CSGALNACT1: variants seen among roughly 807,000 people sequenced by gnomAD.
CSGALNACT1 encodes chondroitin sulfate N-acetylgalactosaminyltransferase 1.
CSGALNACT1 carries 52 observed loss-of-function variants against 51.0 expected under a neutral mutation model. The observed-to-expected ratio is 1.02, with a 90% CI of 0.82 to 1.29. The LOEUF is 1.29. Among genes scored for constraint, CSGALNACT1 ranks in the 50% most tolerant of loss-of-function variants. CSGALNACT1 has a pLI of 0.00. For missense variants in CSGALNACT1, 935 were observed against 679.2 expected, an observed-to-expected ratio of 1.38 and a Z score of -4.19; for synonymous variants, 341 against 254.4, an observed-to-expected ratio of 1.34 and a Z score of -3.24.
intron 1 of CSGALNACT1, among the ~76,000 whole-genome samples, chr8:19,711,392 T>C (rs1278486014): frequency 6.6e-6 from 1 of 152,090 alleles, no homozygotes; most frequent in Non-Finnish European, 1.5e-5. Context: ...AGTTCAACAA[T>C]AAATTTTAAG....
intron 1 of CSGALNACT1, among the ~76,000 whole-genome samples, chr8:19,617,685 C>T (rs2053222356): frequency 6.6e-6 from 1 of 152,164 alleles, no homozygotes; most frequent in Admixed American, 6.5e-5. Flanking sequence ...CGAAGGCAGA[C>T]TCATGGGAGT....
At chr8:19,728,734 G>A (rs546672181) in intron 1 of CSGALNACT1, among the ~76,000 whole-genome samples, 107 of 152,140 alleles carry the variant, frequency 7.0e-4, no homozygotes, top group African/African-American at 2.4e-3. Context: ...TTCATTTCTC[G>A]AGTTTTAATA....
chr8:19,409,504 G>C (rs7463898), intron 8 of CSGALNACT1, among the ~76,000 whole-genome samples: 4 of 144,526 alleles, frequency 2.8e-5, no homozygotes, highest in African/African-American at 1.0e-4. Flanking sequence ...TATATATAGA[G>C]AGAGAGAGAG....
intron 1 of CSGALNACT1, among the ~76,000 whole-genome samples, chr8:19,692,659 A>G (rs1346999006): frequency 6.6e-6 from 1 of 152,222 alleles, no homozygotes; most frequent in Non-Finnish European, 1.5e-5. Context: ...AGCTTTTTTA[A>G]TACAGAACTT....
At chr8:19,585,908 C>A (rs922366667) in intron 3 of CSGALNACT1, among the ~76,000 whole-genome samples, 1 of 152,200 alleles carries the variant, frequency 6.6e-6, no homozygotes, top group Non-Finnish European at 1.5e-5. Context: ...CTCAAATTAA[C>A]CTGCAAGTCC....
At chr8:19,690,483 G>C (rs1463664903) in intron 1 of CSGALNACT1, among the ~76,000 whole-genome samples, 4 of 152,082 alleles carry the variant, frequency 2.6e-5, no homozygotes, top group African/African-American at 9.7e-5. Context: ...AATAGTCAAA[G>C]AGCTCATCTT....
rs374308416 is a variant in CSGALNACT1, at chr8:19,723,625, T to C, written c.-297+34225A>G. 1.8e-4 allele frequency among the ~76,000 whole-genome samples: 28 copies of C among 152,352 alleles called. No individual in the cohort carries two copies. In the East Asian group the frequency reaches 5.2e-3, roughly 28 times the overall value. On this transcript the variant is annotated intron_variant, in intron 1 of 1. Coordinates refer to the CSGALNACT1 transcript ENST00000517494. ...GGAAGGCACAGCAACAGGTTTGCTT[T>C]CTGGTACAAGGACACAGAGGTCATG...
At chr8:19,438,790 T>C (rs1297468144) in intron 6 of CSGALNACT1, among the ~76,000 whole-genome samples, 4 of 152,232 alleles carry the variant, frequency 2.6e-5, no homozygotes, top group Non-Finnish European at 4.4e-5. Context: ...GCTGATCTCC[T>C]GCTTAAGAAT....
At chr8:19,416,060 G>A (rs1181583048) in intron 8 of CSGALNACT1, among the ~76,000 whole-genome samples, 3 of 151,756 alleles carry the variant, frequency 2.0e-5, no homozygotes, top group Admixed American at 2.0e-4. Flanking sequence ...CATATGAGAT[G>A]GTGATCACCC....
rs947856492 is a variant in CSGALNACT1 at position 19,404,577 on chromosome 8, T to C, written c.*1203A>G. 1.3e-5 allele frequency: 6 copies of C among 450,532 alleles called. No homozygotes were observed. In the Admixed American group the frequency reaches 1.4e-4, roughly 11 times the overall value. The allele number at this position is 450,532 out of a possible 1,614,324, so 27.9% of individuals were successfully genotyped here. On this transcript the variant is annotated 3_prime_UTR_variant, in exon 10 of 10. Coordinates refer to ENST00000454498, the Ensembl canonical transcript of CSGALNACT1. The stretch of plus-strand genomic sequence containing the variant: ...CATGTAGCAAAAACTTCCATCCCAC[T>C]AGATTCTGGCAGATGGATTGATCTT...
At chr8:19,528,718 G>A (rs1276193924) in intron 3 of CSGALNACT1, among the ~76,000 whole-genome samples, 3 of 152,116 alleles carry the variant, frequency 2.0e-5, no homozygotes, top group Non-Finnish European at 4.4e-5. Context: ...GATACCTCAC[G>A]ACTTCCCATG....
At chr8:19,489,318 A>AC (rs1563692538) in intron 4 of CSGALNACT1, among the ~76,000 whole-genome samples, 1 of 152,200 alleles carries the variant, frequency 6.6e-6, no homozygotes, top group African/African-American at 2.4e-5. Flanking sequence ...ATGTTTATCA[A>AC]CCACCAATTA....
chr8:19,531,267 G>GT (rs1237938101), intron 3 of CSGALNACT1, among the ~76,000 whole-genome samples: 1 of 152,110 alleles, frequency 6.6e-6, no homozygotes, highest in Non-Finnish European at 1.5e-5. Context: ...TAAAAAGAAT[G>GT]TAACATAATC....
chr8:19,555,803 G>A (rs1035223024), intron 3 of CSGALNACT1, among the ~76,000 whole-genome samples: 7 of 152,178 alleles, frequency 4.6e-5, no homozygotes, highest in Admixed American at 3.9e-4. Flanking sequence ...TAGCATGCTT[G>A]TCTTGTGGGA....
intron 4 of CSGALNACT1, among the ~76,000 whole-genome samples, chr8:19,501,266 AAAAGAAT>A (rs2076371366): frequency 6.6e-6 from 1 of 151,918 alleles, no homozygotes; most frequent in Non-Finnish European, 1.5e-5. Flanking sequence ...AAAAAAAAAA[AAAAGAAT>A]AAGGGCAAGC....
intron 1 of CSGALNACT1, among the ~76,000 whole-genome samples, chr8:19,632,447 C>G (rs2055399269): frequency 6.6e-6 from 1 of 152,162 alleles, no homozygotes; most frequent in Non-Finnish European, 1.5e-5. Context: ...TCTTCCAAAC[C>G]AAATGGCAAA....
At chr8:19,711,050 G>T (rs529023020) in intron 1 of CSGALNACT1, among the ~76,000 whole-genome samples, 2 of 151,984 alleles carry the variant, frequency 1.3e-5, no homozygotes, top group Admixed American at 6.6e-5. Flanking sequence ...GAACTGTTTG[G>T]TCAACCTTTA....
intron 3 of CSGALNACT1, among the ~76,000 whole-genome samples, chr8:19,543,295 T>A (rs1462235422): frequency 1.3e-5 from 2 of 152,224 alleles, no homozygotes; most frequent in Non-Finnish European, 2.9e-5. Flanking sequence ...TTTACCAAGA[T>A]GAATTGCAGT....
chr8:19,667,035 G>GAAA (rs2059405558), intron 1 of CSGALNACT1, among the ~76,000 whole-genome samples: 11 of 36,378 alleles, frequency 3.0e-4, no homozygotes, highest in East Asian at 1.8e-3. Context: ...AAGGAAGGAA[G>GAAA]GAAGGAAGAA....
Sources: allele counts gnomAD v4.1 joint callset (sites outside exome capture counted in the v4.1 genomes callset), GRCh38; gene constraint gnomAD v4.1.1; transcripts MANE v1.5; gene names NCBI Gene and HGNC (gene_info 2026-07-23, HGNC 2026-07-21).